Variants in TBC1D5 observed in about 807,000 individuals in gnomAD.
TBC1D5 encodes TBC1 domain family, member 5.
Under a neutral mutation model 100.3 loss-of-function variants are expected in TBC1D5, and 75 were observed. That is an observed-to-expected ratio of 0.75 (90% confidence interval 0.62 to 0.91). TBC1D5 has a LOEUF of 0.91. TBC1D5 is among the 40% of genes least tolerant of loss of function. The pLI is 0.00. For synonymous variants in TBC1D5, 323 were observed against 325.6 expected (o/e 0.99, Z 0.09); for missense variants, 910 against 942.4 (o/e 0.97, Z 0.45).
chr3:17,580,831 C>A (rs1316884614), intron 2 of TBC1D5, among the ~76,000 whole-genome samples: 1 of 152,182 alleles, frequency 6.6e-6, no homozygotes, highest in Non-Finnish European at 1.5e-5. Flanking sequence ...CTTAACCTCA[C>A]TGTGTTTTCT....
chr3:17,600,843 C>T (rs1467774940), intron 2 of TBC1D5, among the ~76,000 whole-genome samples: 1 of 152,124 alleles, frequency 6.6e-6, no homozygotes, highest in Admixed American at 6.5e-5. Flanking sequence ...AAAAAAACTG[C>T]CCAAAGTCAA....
At chr3:17,261,801 G>A (rs1215665346) in intron 15 of TBC1D5, among the ~76,000 whole-genome samples, 1 of 151,510 alleles carries the variant, frequency 6.6e-6, no homozygotes, top group Non-Finnish European at 1.5e-5. Context: ...GTTATTACAT[G>A]TGTGAGACAC....
intron 1 of TBC1D5, among the ~76,000 whole-genome samples, chr3:17,644,418 T>C (rs1416927952): frequency 1.3e-5 from 2 of 152,138 alleles, no homozygotes; most frequent in Admixed American, 1.3e-4. Context: ...CCCAAGTATA[T>C]TTCAACTATT....
chr3:17,697,044 A>G (rs1231878271), intron 1 of TBC1D5, among the ~76,000 whole-genome samples: 4 of 152,246 alleles, frequency 2.6e-5, no homozygotes, highest in Non-Finnish European at 5.9e-5. Context: ...GCCTTCGACA[A>G]AATTCAACAG....
chr3:17,236,728 C>T (rs1386827237), intron 17 of TBC1D5, among the ~76,000 whole-genome samples: 3 of 152,168 alleles, frequency 2.0e-5, no homozygotes, highest in Non-Finnish European at 2.9e-5. Flanking sequence ...TCGTGATCTA[C>T]CTCGGCCTCC....
chr3:17,388,388 A>G (rs2093237005), intron 8 of TBC1D5, among the ~76,000 whole-genome samples: 2 of 152,130 alleles, frequency 1.3e-5, no homozygotes, highest in Non-Finnish European at 2.9e-5. Flanking sequence ...AAGACAAGAC[A>G]ACAGTAAACT....
intron 1 of TBC1D5, among the ~76,000 whole-genome samples, chr3:17,681,202 T>C (rs1560452325): frequency 1.3e-5 from 2 of 151,638 alleles, no homozygotes; most frequent in South Asian, 4.1e-4. Context: ...ACATGGGTAG[T>C]TCTTTCCTTT....
chr3:17,175,688 G>T (rs1195684962), intron 19 of TBC1D5, among the ~76,000 whole-genome samples: 1 of 152,186 alleles, frequency 6.6e-6, no homozygotes, highest in Non-Finnish European at 1.5e-5. Flanking sequence ...AGCAGTTTGG[G>T]TGTGACTGCC....
At chr3:17,322,953 G>A (rs920278269) in intron 13 of TBC1D5, among the ~76,000 whole-genome samples, 5 of 152,152 alleles carry the variant, frequency 3.3e-5, no homozygotes, top group Admixed American at 1.3e-4. Context: ...GGTTAAATTG[G>A]CCCTTGGGTA....
At chr3:17,213,504 G>A (rs534483435) in intron 18 of TBC1D5, among the ~76,000 whole-genome samples, 1 of 152,202 alleles carries the variant, frequency 6.6e-6, no homozygotes, top group East Asian at 1.9e-4. Flanking sequence ...AGTGGCTCAT[G>A]TCTGTAATCC....
At chr3:17,372,366 C>A (rs1001738111) in intron 12 of TBC1D5, 119 bp from the exon 13 acceptor site, 3 of 901,624 alleles carry the variant, frequency 3.3e-6, no homozygotes, top group South Asian at 3.6e-5. Context: ...ACTACTCATT[C>A]TTAAAAAAAG....
chr3:17,715,926 C>T (rs2075195071), intron 1 of TBC1D5, among the ~76,000 whole-genome samples: 1 of 152,104 alleles, frequency 6.6e-6, no homozygotes, highest in Admixed American at 6.5e-5. Flanking sequence ...GTGGCACATG[C>T]CTGTAGTCCC....
At chr3:17,615,410 A>T (rs1181591815) in intron 2 of TBC1D5, among the ~76,000 whole-genome samples, 3 of 152,192 alleles carry the variant, frequency 2.0e-5, no homozygotes, top group African/African-American at 7.2e-5. Context: ...AAAATGAGTT[A>T]GGGAGGATTC....
intron 2 of TBC1D5, among the ~76,000 whole-genome samples, chr3:17,564,718 C>T (rs2096582945): frequency 6.6e-6 from 1 of 152,124 alleles, no homozygotes; most frequent in South Asian, 2.1e-4. Context: ...TCACCTCTCT[C>T]TTAAGTAGTC....
At chr3:17,385,254 T>C (rs1001894265) in intron 8 of TBC1D5, among the ~76,000 whole-genome samples, 5 of 151,982 alleles carry the variant, frequency 3.3e-5, no homozygotes, top group African/African-American at 1.2e-4. Flanking sequence ...TGAGTAATGA[T>C]ACTTTAGGTA....
At chr3:17,434,826 CT>C (rs2094506941) in intron 3 of TBC1D5, among the ~76,000 whole-genome samples, 1 of 152,144 alleles carries the variant, frequency 6.6e-6, no homozygotes, top group Non-Finnish European at 1.5e-5. Context: ...TTTTTTCCCC[CT>C]ACTACATTGT....
At chr3:17,340,076 C>T (rs918852077) in intron 13 of TBC1D5, among the ~76,000 whole-genome samples, 2 of 152,048 alleles carry the variant, frequency 1.3e-5, no homozygotes, top group African/African-American at 4.8e-5. Flanking sequence ...GTAAACAGTT[C>T]CCACTGTGTT....
intron 1 of TBC1D5, among the ~76,000 whole-genome samples, chr3:17,660,745 T>C (rs954140253): frequency 2.0e-5 from 3 of 152,178 alleles, no homozygotes; most frequent in Admixed American, 6.5e-5. Flanking sequence ...GAAGCTCCCC[T>C]ACCTATAGTT....
chr3:17,442,217 ATC>A (rs2094678443), intron 3 of TBC1D5, among the ~76,000 whole-genome samples: 1 of 152,180 alleles, frequency 6.6e-6, no homozygotes, highest in Admixed American at 6.5e-5. Context: ...GTGGAAAGAA[ATC>A]TCTTTCTTTT....
Sources: allele counts gnomAD v4.1 joint callset (sites outside exome capture counted in the v4.1 genomes callset), GRCh38; gene constraint gnomAD v4.1.1; transcripts MANE v1.5; gene names NCBI Gene and HGNC (gene_info 2026-07-23, HGNC 2026-07-21).